The following EXT1 variants were observed in gnomAD, a reference collection of about 807,000 sequenced individuals.
The protein encoded by EXT1 is exostosin glycosyltransferase 1, also known as exostosin-1.
A neutral mutation model predicts 82.5 loss-of-function variants in EXT1; 20 were observed. The ratio of observed to expected loss-of-function variants is 0.24; its 90% CI spans 0.17 to 0.35. EXT1 has a LOEUF of 0.35. Among genes scored for constraint, EXT1 ranks in the 10% least tolerant of loss-of-function variants. The pLI is 1.00. For missense variants in EXT1, 757 were observed against 936.5 expected (o/e 0.81, Z 2.50); for synonymous variants, 348 against 350.8 (o/e 0.99, Z 0.09).
chr8:117,916,154 T>C (rs1322327606), intron 1 of EXT1, among the ~76,000 whole-genome samples: 1 of 152,240 alleles, frequency 6.6e-6, no homozygotes, highest in Admixed American at 6.5e-5. Flanking sequence ...TACAGTAACT[T>C]TACCCATGTT....
In EXT1 at chr8:117,861,526, G is replaced by GACCATATCA. The variant is rs1221699841; in HGVS notation, c.963-24326_963-24325insTGATATGGT. ...TTTTTTTTTTTTGAGATAGAGTCTT[G>GACCATATCA]CTCTGTCACCCAGGCTGGAGGGCAG... On this transcript the variant is annotated intron_variant, in intron 1 of 10. Transcript: ENST00000378204. Among the ~76,000 whole-genome samples the GACCATATCA allele has an allele frequency of 1.8e-3, 150 of 82,732 alleles. 1 individual carries two copies. The highest frequency in any genetic ancestry group is 0.016 in the Middle Eastern group (1 of 62). 54.3% of individuals were successfully genotyped at this position (82,732 alleles called of 152,430 possible).
intron 10 of EXT1, among the ~76,000 whole-genome samples, chr8:117,801,702 T>C (rs1371970647): frequency 6.6e-6 from 1 of 152,092 alleles, no homozygotes; most frequent in African/African-American, 2.4e-5. Flanking sequence ...GATGGGGTTT[T>C]GCCATTTTGC....
chr8:117,885,527 T>C (rs538504705), intron 1 of EXT1, among the ~76,000 whole-genome samples: 1 of 147,416 alleles, frequency 6.8e-6, no homozygotes, highest in South Asian at 2.2e-4. Context: ...GAAAGAAATC[T>C]AGAATGTCAT....
At chr8:118,017,751 A>C (rs1816028424) in intron 1 of EXT1, among the ~76,000 whole-genome samples, 2 of 152,224 alleles carry the variant, frequency 1.3e-5, no homozygotes, top group African/African-American at 4.8e-5. Context: ...ACTGTGAGGA[A>C]TCTAATTGCC....
chr8:118,079,253 A>C (rs1817266161), intron 1 of EXT1, among the ~76,000 whole-genome samples: 1 of 152,210 alleles, frequency 6.6e-6, no homozygotes, highest in South Asian at 2.1e-4. Context: ...AAAATAATCA[A>C]CTATAGTTCA....
chr8:117,988,057 C>T (rs1196344938), intron 1 of EXT1, among the ~76,000 whole-genome samples: 1 of 152,102 alleles, frequency 6.6e-6, no homozygotes, highest in Non-Finnish European at 1.5e-5. Flanking sequence ...CATTGCACTC[C>T]AGCCTGAGCA....
chr8:118,020,330 T>A (rs780722952), intron 1 of EXT1, among the ~76,000 whole-genome samples: 3 of 152,196 alleles, frequency 2.0e-5, no homozygotes, highest in Non-Finnish European at 2.9e-5. Flanking sequence ...AACTACTAAT[T>A]CTAGTAGTCT....
intron 1 of EXT1, among the ~76,000 whole-genome samples, chr8:117,936,355 T>C (rs1296553428): frequency 1.3e-5 from 2 of 152,200 alleles, no homozygotes; most frequent in East Asian, 3.9e-4. Flanking sequence ...GTCAAATAAA[T>C]TTCCATTGGT....
At chr8:118,075,001 C>T (rs886989370) in intron 1 of EXT1, among the ~76,000 whole-genome samples, 1 of 152,028 alleles carries the variant, frequency 6.6e-6, no homozygotes, top group Non-Finnish European at 1.5e-5. Context: ...CATTTCCCAT[C>T]ACTACAATAA....
chr8:117,996,396 C>T (rs1340246687), intron 1 of EXT1, among the ~76,000 whole-genome samples: 1 of 152,118 alleles, frequency 6.6e-6, no homozygotes, highest in Non-Finnish European at 1.5e-5. Context: ...TTACAGTTGC[C>T]CTATGGCCAT....
chr8:117,862,385 A>G (rs995516873), intron 1 of EXT1, among the ~76,000 whole-genome samples: 2 of 145,984 alleles, frequency 1.4e-5, no homozygotes, highest in African/African-American at 4.9e-5. Flanking sequence ...CTCTAAAAGA[A>G]GTATTTGATT....
intron 1 of EXT1, among the ~76,000 whole-genome samples, chr8:118,018,595 T>C (rs747648456): frequency 6.6e-6 from 1 of 152,208 alleles, no homozygotes; most frequent in Non-Finnish European, 1.5e-5. Context: ...ATACAGTGTA[T>C]AACAACAATC....
intron 1 of EXT1, among the ~76,000 whole-genome samples, chr8:118,005,498 C>A (rs1815755036): frequency 1.3e-5 from 2 of 152,186 alleles, no homozygotes; most frequent in Admixed American, 1.3e-4. Flanking sequence ...GTTTCACGTG[C>A]AATTAGCTGA....
chr8:117,938,489 A>G (rs1316924368), intron 1 of EXT1, among the ~76,000 whole-genome samples: 1 of 152,124 alleles, frequency 6.6e-6, no homozygotes, highest in East Asian at 1.9e-4. Context: ...TAATAATAAT[A>G]AACAAAATTT....
intron 1 of EXT1, among the ~76,000 whole-genome samples, chr8:117,923,691 A>C (rs1466418576): frequency 3.3e-5 from 5 of 151,134 alleles, no homozygotes; most frequent in Non-Finnish European, 5.9e-5. Context: ...GTGCCACTGC[A>C]CTCCAGCTGG....
intron 1 of EXT1, among the ~76,000 whole-genome samples, chr8:118,101,100 C>T (rs1167168445): frequency 6.6e-6 from 1 of 152,182 alleles, no homozygotes; most frequent in African/African-American, 2.4e-5. Context: ...AATAATACCA[C>T]CACCCTGTAG....
At chr8:118,094,522 C>G (rs569403516) in intron 1 of EXT1, among the ~76,000 whole-genome samples, 8 of 152,332 alleles carry the variant, frequency 5.3e-5, no homozygotes, top group African/African-American at 1.2e-4. Flanking sequence ...ATGGAACAGA[C>G]AGAATAATAA....
intron 1 of EXT1, among the ~76,000 whole-genome samples, chr8:118,013,640 G>A (rs745731874): frequency 2.6e-5 from 4 of 152,128 alleles, no homozygotes; most frequent in African/African-American, 7.2e-5. Flanking sequence ...CAGAAAGTAC[G>A]ATCATACAAT....
Position 118,110,462 on chromosome 8 carries a change from T to C in EXT1, c.585A>G (p.Leu195=), listed in dbSNP as rs745761434. 32 of 1,614,088 alleles carry C rather than the reference T, an allele frequency of 2.0e-5. No individual in the cohort carries two copies. The highest frequency in any genetic ancestry group is 2.6e-5 in the Non-Finnish European group (31 of 1,180,028). ...TGTAGTCAGGCCAAGTGCCGGAATATAAATTAAAAATTAAATGATTCCTAC... is the reference window on the plus strand; with the variant it reads ...TGTAGTCAGGCCAAGTGCCGGAATACAAATTAAAAATTAAATGATTCCTAC... ...NNGRNHLIFN[L]YSGTWPDYTE... The change falls in exon 1 of 11, where the codon TTA becomes TTG. Residue 195 remains leucine (L), a synonymous_variant. Transcript: ENST00000378204.
Sources: allele counts gnomAD v4.1 joint callset (sites outside exome capture counted in the v4.1 genomes callset), GRCh38; gene constraint gnomAD v4.1.1; transcripts MANE v1.5; gene names NCBI Gene and HGNC (gene_info 2026-07-23, HGNC 2026-07-21).